CHST1: variants seen among roughly 807,000 people sequenced by gnomAD.
CHST1 encodes the protein Keratan sulfotransferase.
In CHST1, 10 loss-of-function variants were observed where a neutral mutation model predicts 22.5. That is an observed-to-expected ratio of 0.44 (90% CI 0.27 to 0.75). The LOEUF is 0.75. CHST1 is among the 30% of genes least tolerant of loss of function. CHST1 has a pLI of 0.15. For missense variants in CHST1, 439 were observed against 576.1 expected (o/e 0.76, Z 2.44); for synonymous variants, 267 against 264.5 (o/e 1.01, Z -0.09).
intron 1 of CHST1, among the ~76,000 whole-genome samples, chr11:45,657,774 C>T (rs1247471256): frequency 6.6e-6 from 1 of 152,208 alleles, no homozygotes; most frequent in African/African-American, 2.4e-5. Context: ...ATGCCCACCT[C>T]AACTTGAAAC....
At chr11:45,657,647 A>G (rs895729) in intron 1 of CHST1, among the ~76,000 whole-genome samples, 90,209 of 152,046 alleles carry the variant, frequency 0.59, 26,953 homozygotes, top group East Asian at 0.83. Context: ...CTTCCATGTG[A>G]GCAGTATGCC....
chr11:45,650,685 A>C lies in CHST1; in HGVS notation c.239T>G (p.Phe80Cys), dbSNP rs745741864. ...GTAGAAGACGTCCAGGTGCTGGTTG[A>C]AGAGCTGGCCCACGAAGGAGGAGCC... is the stretch of plus-strand genomic sequence containing the variant. ...RSGSSFVGQL[F>C]NQHLDVFYLF... The change falls in exon 4 of 4, where the codon TTC (phenylalanine) becomes TGC (cysteine). Residue 80 changes from phenylalanine (F) to cysteine (C), a missense_variant. Phe to Cys is a radical substitution (Grantham distance 205). Coordinates refer to ENST00000308064, the MANE Select transcript of CHST1 (RefSeq NM_003654.6). 6.2e-7 allele frequency: 1 copy of C among 1,614,116 alleles called. No homozygotes were observed. Among genetic ancestry groups the C allele is most frequent in the Admixed American group, 1.7e-5 (1 of 60,028 alleles).
In CHST1 at chr11:45,647,931, G is replaced by C. The variant is rs1851937970; in HGVS notation, c.*1757C>G. On this transcript the variant is annotated 3_prime_UTR_variant, in exon 4 of 4. Transcript: ENST00000308064. ...GGAAGCCCTTCTTCCAGTTGGCTAG[G>C]ACCCCTGGGGCTGCCTAATCACCAG... 1.3e-5 allele frequency among the ~76,000 whole-genome samples: 2 copies of C among 152,142 alleles called. No individual in the cohort carries two copies. Among genetic ancestry groups the C allele is most frequent in the African/African-American group, 4.8e-5 (2 of 41,422 alleles).
At chr11:45,664,274 C>T (rs549027451) in intron 1 of CHST1, among the ~76,000 whole-genome samples, 21 of 152,328 alleles carry the variant, frequency 1.4e-4, no homozygotes, top group African/African-American at 4.6e-4. Context: ...CAATGGCCGG[C>T]CCAAGCCCGT....
chr11:45,663,903 G>A (rs1047897500), intron 1 of CHST1, among the ~76,000 whole-genome samples: 5 of 152,194 alleles, frequency 3.3e-5, no homozygotes, highest in Admixed American at 6.5e-5. Context: ...TGTGATGTGT[G>A]AGTCATGACG....
In CHST1 at chr11:45,650,927, T is replaced by C; in HGVS notation, c.-4A>G. The stretch of plus-strand genomic sequence containing the variant: ...CGGCCTTCCAGGAACATTGCATGGC[T>C]GGGCACCTTCATGGGGCTGCTTCTC... On this transcript the variant is annotated 5_prime_UTR_variant, in exon 4 of 4. Coordinates refer to ENST00000308064, the MANE Select transcript of CHST1 (RefSeq NM_003654.6). 1 of 1,526,272 alleles carries C rather than the reference T, an allele frequency of 6.6e-7. No homozygotes were observed. Among genetic ancestry groups the C allele is most frequent in the Non-Finnish European group, 8.8e-7 (1 of 1,137,776 alleles). The allele number at this position is 1,526,272 out of a possible 1,614,324, so 94.5% of individuals were successfully genotyped here.
rs368682727 is a variant in CHST1, at chr11:45,650,659, G to C, written c.265C>G (p.Leu89Val). ...LFNQHLDVFY[L>V]FEPLYHVQNT... ...TGGACGTGGTAGAGGGGCTCAAACA[G>C]GTAGAAGACGTCCAGGTGCTGGTTG... Residue 89 changes from leucine to valine, a missense_variant, in exon 4 of 4, where the codon CTG becomes GTG. Physicochemically the swap from Leu to Val is conservative, Grantham distance 32. Coordinates refer to ENST00000308064, the MANE Select transcript of CHST1 (RefSeq NM_003654.6). 6.2e-7 allele frequency: 1 copy of C among 1,614,138 alleles called. No homozygotes were observed. Among genetic ancestry groups the C allele is most frequent in the Admixed American group, 1.7e-5 (1 of 60,032 alleles).
At chr11:45,658,441 C>A (rs1261728453) in intron 1 of CHST1, among the ~76,000 whole-genome samples, 3 of 152,184 alleles carry the variant, frequency 2.0e-5, no homozygotes, top group Non-Finnish European at 2.9e-5. Context: ...AAAACAGATG[C>A]CGTAGCCTGC....
In CHST1 at chr11:45,655,335, G is replaced by A. The variant is rs1337350414; in HGVS notation, c.-226-2729C>T. On this transcript the variant is annotated intron_variant, in intron 1 of 3. Coordinates refer to ENST00000308064, the MANE Select transcript of CHST1 (RefSeq NM_003654.6). The stretch of plus-strand genomic sequence containing the variant: ...TAGAACAAATCATCCTGCAGCCCAC[G>A]GGGTCTGGCTCTGCCCACCGCCCCT... Among the ~76,000 whole-genome samples, 5 of 152,276 alleles carry A rather than the reference G, an allele frequency of 3.3e-5. No individual in the cohort carries two copies. In the East Asian group the frequency reaches 5.8e-4, roughly 18 times the overall value.
chr11:45,661,489 C>T (rs1000256847), intron 1 of CHST1, among the ~76,000 whole-genome samples: 6 of 152,222 alleles, frequency 3.9e-5, no homozygotes, highest in African/African-American at 1.4e-4. Context: ...AACCGGAGAG[C>T]TGGCAAGGGG....
intron 1 of CHST1, among the ~76,000 whole-genome samples, chr11:45,658,856 C>T (rs1458178692): frequency 6.6e-6 from 1 of 152,126 alleles, no homozygotes; most frequent in Non-Finnish European, 1.5e-5. Context: ...ACCCCCTGGA[C>T]ACCGGGGCTC....
At chr11:45,657,810 C>T (rs1464132448) in intron 1 of CHST1, among the ~76,000 whole-genome samples, 1 of 152,222 alleles carries the variant, frequency 6.6e-6, no homozygotes, top group Non-Finnish European at 1.5e-5. Flanking sequence ...GACCCTCTCT[C>T]CAGAACCTGG....
chr11:45,657,144 A>G (rs2120341483), intron 1 of CHST1, among the ~76,000 whole-genome samples: 1 of 152,224 alleles, frequency 6.6e-6, no homozygotes, highest in South Asian at 2.1e-4. Context: ...GGGAGGGAGG[A>G]GCTGGCGAAC....
At chr11:45,664,774 GAAA>G (rs1852176350) in intron 1 of CHST1, among the ~76,000 whole-genome samples, 1 of 152,208 alleles carries the variant, frequency 6.6e-6, no homozygotes, top group African/African-American at 2.4e-5. Context: ...GCTGGGTTTG[GAAA>G]GTTGGTGCGG....
intron 1 of CHST1, among the ~76,000 whole-genome samples, chr11:45,655,272 C>T (rs1852048307): frequency 6.6e-6 from 1 of 152,194 alleles, no homozygotes. Context: ...ATCATCATCA[C>T]CAAATGTCTG....
intron 1 of CHST1, among the ~76,000 whole-genome samples, chr11:45,664,267 T>C (rs1039455945): frequency 6.6e-6 from 1 of 152,174 alleles, no homozygotes; most frequent in South Asian, 2.1e-4. Flanking sequence ...TCCCTGTCAA[T>C]GGCCGGCCCA....
intron 1 of CHST1, among the ~76,000 whole-genome samples, chr11:45,661,916 C>T (rs1226360965): frequency 6.6e-6 from 1 of 152,154 alleles, no homozygotes; most frequent in Non-Finnish European, 1.5e-5. Context: ...CTGAGGCAGG[C>T]ACTGGGGCGG....
intron 1 of CHST1, among the ~76,000 whole-genome samples, chr11:45,661,403 T>C (rs1460498242): frequency 1.3e-5 from 2 of 152,130 alleles, no homozygotes; most frequent in African/African-American, 4.8e-5. Context: ...GGATATTAAA[T>C]TGGAAGGTGT....
Position 45,649,635 on chromosome 11 carries a change from A to G in CHST1, c.*53T>C. 1 of 1,498,614 alleles carries G rather than the reference A, an allele frequency of 6.7e-7. No individual in the cohort carries two copies. The highest frequency in any genetic ancestry group is 8.8e-7 in the Non-Finnish European group (1 of 1,130,482). The allele number at this position is 1,498,614 out of a possible 1,614,324, so 92.8% of individuals were successfully genotyped here. On this transcript the variant is annotated 3_prime_UTR_variant, in exon 4 of 4. Coordinates refer to ENST00000308064, the MANE Select transcript of CHST1 (RefSeq NM_003654.6). ...ATAAGGCAACAGTTAAAAACGGTCC[A>G]TTTTATCAAAACCGACACCTTGCGC... is the stretch of plus-strand genomic sequence containing the variant.
Sources: gnomAD v4.1 joint callset for allele counts (sites outside exome capture counted in the v4.1 genomes callset) on GRCh38, gnomAD v4.1.1 for gene constraint, MANE v1.5 for transcripts, NCBI Gene and HGNC (gene_info 2026-07-23, HGNC 2026-07-21) for gene names.